The following DPP10 variants were observed in gnomAD, a reference collection of about 807,000 sequenced individuals.
DPP10 encodes inactive dipeptidyl peptidase 10.
A neutral mutation model predicts 120.9 loss-of-function variants in DPP10; 33 were observed. The observed-to-expected ratio is 0.27, with a 90% confidence interval of 0.21 to 0.37. The LOEUF (loss-of-function observed/expected upper bound fraction) is 0.37. Among genes scored for constraint, DPP10 ranks in the 10% least tolerant of loss-of-function variants. The pLI, the probability that DPP10 is intolerant of heterozygous loss-of-function variation, is 1.00. For synonymous variants in DPP10, 337 were observed against 326.1 expected (o/e 1.03, Z -0.36); for missense variants, 816 against 942.8 (o/e 0.87, Z 1.76).
chr2:115,423,890 A>C (rs1185266550), intron 3 of DPP10, among the ~76,000 whole-genome samples: 1 of 152,066 alleles, frequency 6.6e-6, no homozygotes, highest in East Asian at 1.9e-4. Context: ...TATCTTTGGC[A>C]AAAGCTGATT....
At chr2:114,831,062 A>G (rs571517481) in intron 1 of DPP10, among the ~76,000 whole-genome samples, 16 of 30,168 alleles carry the variant, frequency 5.3e-4, no homozygotes, top group Middle Eastern at 0.019. Context: ...TTTTTTTGCT[A>G]AATTTTCAAA....
rs576982525 is a variant in DPP10, at chr2:115,548,745, CAT to C, written c.441+22774_441+22775del. On this transcript the variant is annotated intron_variant, in intron 5 of 25. Transcript: ENST00000410059. ...GTTTGATATGTCCATGATATAAACA[CAT>C]GTGAAATTTGAGACAGCTGTATATT... Among the ~76,000 whole-genome samples, 194 of 152,244 alleles carry C rather than the reference CAT, an allele frequency of 1.3e-3. 2 individuals carry two copies. Among genetic ancestry groups the C allele is most frequent in the African/African-American group, 4.6e-3 (191 of 41,554 alleles).
At chr2:115,481,221 A>AG (rs2075406956) in intron 3 of DPP10, among the ~76,000 whole-genome samples, 1 of 152,132 alleles carries the variant, frequency 6.6e-6, no homozygotes, top group Non-Finnish European at 1.5e-5. Context: ...CCCTTTCAAC[A>AG]TACTACTGTG....
chr2:114,961,607 T>A (rs759142328), intron 1 of DPP10, among the ~76,000 whole-genome samples: 10 of 152,216 alleles, frequency 6.6e-5, no homozygotes, highest in Non-Finnish European at 1.3e-4. Context: ...TGTGTGTGTA[T>A]GTGTGCATTT....
At chr2:115,312,083 A>C (rs146107966) in intron 2 of DPP10, among the ~76,000 whole-genome samples, 1 of 151,968 alleles carries the variant, frequency 6.6e-6, no homozygotes, top group Non-Finnish European at 1.5e-5. Flanking sequence ...TTTACAGTTT[A>C]CCAAGTGCAT....
chr2:115,725,420 C>T (rs2092743102), intron 7 of DPP10, among the ~76,000 whole-genome samples: 1 of 152,170 alleles, frequency 6.6e-6, no homozygotes, highest in Non-Finnish European at 1.5e-5. Flanking sequence ...CTGAAGAAAA[C>T]ATCTTATGGA....
chr2:115,659,692 T>G (rs1295162870), intron 5 of DPP10, among the ~76,000 whole-genome samples: 1 of 152,216 alleles, frequency 6.6e-6, no homozygotes, highest in Non-Finnish European at 1.5e-5. Context: ...GGTAGGTTTT[T>G]GTATGTCTAA....
intron 1 of DPP10, among the ~76,000 whole-genome samples, chr2:114,878,516 TA>T (rs1385216892): frequency 6.6e-5 from 10 of 152,116 alleles, no homozygotes; most frequent in Non-Finnish European, 1.3e-4. Context: ...TATAGAACAC[TA>T]AAACTTATTT....
At chr2:115,298,065 C>T (rs1033826219) in intron 1 of DPP10, among the ~76,000 whole-genome samples, 2 of 152,008 alleles carry the variant, frequency 1.3e-5, no homozygotes, top group African/African-American at 4.8e-5. Flanking sequence ...AGATTCTATT[C>T]CTAACTTTAA....
At chr2:115,172,954 C>G (rs1428436044) in intron 1 of DPP10, among the ~76,000 whole-genome samples, 2 of 152,160 alleles carry the variant, frequency 1.3e-5, no homozygotes, top group East Asian at 1.9e-4. Flanking sequence ...CCTCCTGACT[C>G]CAAAGCAAAC....
chr2:114,784,663 C>T (rs1244166050), intron 1 of DPP10, among the ~76,000 whole-genome samples: 1 of 152,088 alleles, frequency 6.6e-6, no homozygotes, highest in African/African-American at 2.4e-5. Context: ...CAGTTTGTCA[C>T]TCAGGGAACT....
At chr2:115,265,534 A>G (rs13386690) in intron 1 of DPP10, among the ~76,000 whole-genome samples, 45,340 of 151,738 alleles carry the variant, frequency 0.3, 7,115 homozygotes, top group East Asian at 0.56. Context: ...TGAAGCAAAA[A>G]TTTCACAAAT....
chr2:114,896,870 G>T (rs1455620703), intron 1 of DPP10, among the ~76,000 whole-genome samples: 1 of 152,080 alleles, frequency 6.6e-6, no homozygotes, highest in Non-Finnish European at 1.5e-5. Flanking sequence ...TTGGCTGTGG[G>T]TTTGTCATAG....
chr2:115,474,925 C>G lies in DPP10; in HGVS notation c.272-24585C>G, dbSNP rs1462577437. On this transcript the variant is annotated intron_variant, in intron 3 of 25. Transcript: ENST00000410059. The stretch of plus-strand genomic sequence containing the variant: ...GGACTGAATGGTTTCATGGGCCAAG[C>G]CCAGGGCCCCACTGCCCTGTTCAGC... Among the ~76,000 whole-genome samples the G allele has an allele frequency of 2.0e-5, 3 of 152,142 alleles. No individual in the cohort carries two copies. The East Asian group carries it at 5.8e-4, about 29-fold the overall frequency.
intron 17 of DPP10, among the ~76,000 whole-genome samples, chr2:115,787,348 G>A (rs1054381155): frequency 6.6e-6 from 1 of 152,082 alleles, no homozygotes; most frequent in Non-Finnish European, 1.5e-5. Flanking sequence ...TAAATTAGCT[G>A]TTACAAATAC....
intron 3 of DPP10, among the ~76,000 whole-genome samples, chr2:115,388,666 TTA>T (rs2067120179): frequency 6.6e-6 from 1 of 152,202 alleles, no homozygotes; most frequent in Non-Finnish European, 1.5e-5. Context: ...ACTTTCCTGA[TTA>T]TGTTGTTTTT....
chr2:114,675,658 A>G (rs1698621172), intron 1 of DPP10, among the ~76,000 whole-genome samples: 1 of 152,180 alleles, frequency 6.6e-6, no homozygotes, highest in African/African-American at 2.4e-5. Flanking sequence ...TTGCCTTGGA[A>G]GCTTTTAAAA....
At chr2:115,628,969 C>G (rs368810579) in intron 5 of DPP10, among the ~76,000 whole-genome samples, 19 of 152,082 alleles carry the variant, frequency 1.2e-4, no homozygotes, top group Non-Finnish European at 1.5e-4. Flanking sequence ...TCCCCCTTCC[C>G]CCTACCCCAC....
intron 1 of DPP10, among the ~76,000 whole-genome samples, chr2:115,240,918 A>G (rs1301635232): frequency 6.6e-6 from 1 of 152,186 alleles, no homozygotes; most frequent in Non-Finnish European, 1.5e-5. Context: ...TTTCCTCTAA[A>G]GTTGTAATGT....
Sources: gnomAD v4.1 joint callset for allele counts (sites outside exome capture counted in the v4.1 genomes callset) on GRCh38, gnomAD v4.1.1 for gene constraint, MANE v1.5 for transcripts, NCBI Gene and HGNC (gene_info 2026-07-23, HGNC 2026-07-21) for gene names.